The following LRP5 variants were observed in gnomAD, a reference collection of about 807,000 sequenced individuals.
LRP5 encodes the protein low-density lipoprotein receptor-related protein 5.
A neutral mutation model predicts 154.1 loss-of-function variants in LRP5; 62 were observed. The observed-to-expected ratio is 0.40, with a 90% CI of 0.33 to 0.50. LRP5 has a LOEUF of 0.50. LRP5 is among the 20% of genes least tolerant of loss of function. The pLI, the probability that LRP5 is intolerant of heterozygous loss-of-function variation, is 0.55. For missense variants in LRP5, 1,915 were observed against 2,336.7 expected, an observed-to-expected ratio of 0.82 and a Z score of 3.72; for synonymous variants, 966 against 1,011.5, an observed-to-expected ratio of 0.96 and a Z score of 0.85.
chr11:68,331,433 C>T (rs564984329), intron 1 of LRP5, among the ~76,000 whole-genome samples: 5 of 152,322 alleles, frequency 3.3e-5, no homozygotes, highest in African/African-American at 7.2e-5. Flanking sequence ...GCTGCCTCCC[C>T]GCCTGCCCCA....
intron 9 of LRP5, among the ~76,000 whole-genome samples, chr11:68,409,272 AAT>A (rs1328125715): frequency 7.0e-6 from 1 of 142,054 alleles, no homozygotes; most frequent in Non-Finnish European, 1.5e-5. Context: ...ATAATATAAA[AAT>A]ATATATTTAT....
At chr11:68,315,686 C>T (rs1052837261) in intron 1 of LRP5, among the ~76,000 whole-genome samples, 13 of 152,246 alleles carry the variant, frequency 8.5e-5, no homozygotes, top group Admixed American at 7.8e-4. Context: ...AAGGCCCCGC[C>T]CCTGCGGGCA....
At position 68,433,756 on chromosome 11, in the gene LRP5, G is replaced by A. The variant is rs11574425; in HGVS notation, c.3918G>A (p.Ala1306=). 1.9e-3 allele frequency: 3,071 copies of A among 1,612,694 alleles called. 42 individuals are homozygous for A. In the African/African-American group the frequency reaches 0.033, roughly 17 times the overall value. Residue 1306 remains alanine (A), a synonymous_variant, in exon 18 of 23, where the codon GCG becomes GCA. Coordinates refer to ENST00000294304, the MANE Select transcript of LRP5 (RefSeq NM_002335.4). The part of the protein sequence containing the change: ...PVCSAAQFPC[A]RGQCVDLRLR... ...GCTCCGCCGCCCAGTTCCCCTGCGC[G>A]CGGGGTCAGTGTGTGGACCTGCGCC... is the stretch of plus-strand genomic sequence containing the variant.
chr11:68,403,023 A>C (rs2098653490), intron 7 of LRP5, among the ~76,000 whole-genome samples: 1 of 152,168 alleles, frequency 6.6e-6, no homozygotes, highest in African/African-American at 2.4e-5. Flanking sequence ...AGGAGGGTGG[A>C]TCACTTGAGG....
At chr11:68,442,573 G>A (rs2098678750) in intron 21 of LRP5, among the ~76,000 whole-genome samples, 1 of 152,166 alleles carries the variant, frequency 6.6e-6, no homozygotes, top group Non-Finnish European at 1.5e-5. Flanking sequence ...ACTGCGCCTG[G>A]GCTGACATAT....
intron 7 of LRP5, among the ~76,000 whole-genome samples, chr11:68,391,333 C>A (rs899546332): frequency 1.3e-5 from 2 of 152,192 alleles, no homozygotes; most frequent in African/African-American, 2.4e-5. Context: ...CCCATCGCAC[C>A]ATCGTCACCC....
At chr11:68,336,138 C>T (rs1565325543) in intron 1 of LRP5, among the ~76,000 whole-genome samples, 1 of 152,176 alleles carries the variant, frequency 6.6e-6, no homozygotes. Flanking sequence ...CCAAAGGAGT[C>T]AGAGCTTGTC....
intron 16 of LRP5, among the ~76,000 whole-genome samples, chr11:68,427,551 G>A (rs1247622498): frequency 6.6e-6 from 1 of 152,122 alleles, no homozygotes; most frequent in Non-Finnish European, 1.5e-5. Flanking sequence ...GTGGTGGCAG[G>A]CGCCTGTATT....
At chr11:68,362,321 T>C (rs1167864482) in intron 3 of LRP5, among the ~76,000 whole-genome samples, 1 of 152,044 alleles carries the variant, frequency 6.6e-6, no homozygotes, top group Non-Finnish European at 1.5e-5. Context: ...TGGAAGTGCT[T>C]TGGAACTAGA....
At chr11:68,431,005 C>T (rs1310184386) in intron 17 of LRP5, among the ~76,000 whole-genome samples, 2 of 152,186 alleles carry the variant, frequency 1.3e-5, no homozygotes, top group Non-Finnish European at 2.9e-5. Flanking sequence ...ACGTGATGCA[C>T]AGGAATGCCA....
In LRP5 at chr11:68,421,228, C is replaced by T. The variant is rs186446328; in HGVS notation, c.3028-2261C>T. ...GGCAACAGAGCAAGACTCCGTCTCACGCAAAACTCTGTCTCACGCAAGACT... is the reference window on the plus strand; with the variant it reads ...GGCAACAGAGCAAGACTCCGTCTCATGCAAAACTCTGTCTCACGCAAGACT... On this transcript the variant is annotated intron_variant, in intron 13 of 22. Coordinates refer to ENST00000294304, the MANE Select transcript of LRP5 (RefSeq NM_002335.4). Among the ~76,000 whole-genome samples, 97 of 151,846 alleles carry T rather than the reference C, an allele frequency of 6.4e-4. No individual in the cohort carries two copies. The Middle Eastern group carries it at 0.01, about 16-fold the overall frequency.
intron 5 of LRP5, among the ~76,000 whole-genome samples, chr11:68,367,719 G>A (rs1461072829): frequency 1.3e-5 from 2 of 152,200 alleles, no homozygotes; most frequent in African/African-American, 4.8e-5. Context: ...CACAGTCAGG[G>A]CCGGGGGACG....
rs781489196 is a variant in LRP5, at chr11:68,390,028, A to C, written c.1560A>C (p.Gly520=). 1 of 1,614,202 alleles carries C rather than the reference A, an allele frequency of 6.2e-7. No individual in the cohort carries two copies. The highest frequency in any genetic ancestry group is 8.5e-7 in the Non-Finnish European group (1 of 1,180,030). ...TGCAGGAGGGGAAGCTCTACTGGGG[A>C]GACGCCAAGACAGACAAGATCGAGG... ...LDLQEGKLYW[G]DAKTDKIEVI... Residue 520 remains glycine, a synonymous_variant, in exon 7 of 23, where the codon GGA becomes GGC. Transcript: ENST00000294304.
chr11:68,334,331 G>T (rs1033123077), intron 1 of LRP5, among the ~76,000 whole-genome samples: 2 of 152,316 alleles, frequency 1.3e-5, no homozygotes, highest in East Asian at 1.9e-4. Flanking sequence ...AGCAAGGTGG[G>T]GTAGGGTGCA....
At chr11:68,376,884 G>C (rs1475123829) in intron 5 of LRP5, among the ~76,000 whole-genome samples, 3 of 152,224 alleles carry the variant, frequency 2.0e-5, no homozygotes, top group South Asian at 2.1e-4. Flanking sequence ...TTTAGGCAAA[G>C]ATGAGAGGGC....
intron 5 of LRP5, among the ~76,000 whole-genome samples, chr11:68,374,976 TC>T (rs2098636545): frequency 6.6e-6 from 1 of 152,304 alleles, no homozygotes; most frequent in Admixed American, 6.5e-5. Context: ...TGCAGCCTCT[TC>T]CATGTCCCCC....
chr11:68,440,882 C>T (rs1295840235), intron 21 of LRP5, among the ~76,000 whole-genome samples: 1 of 152,132 alleles, frequency 6.6e-6, no homozygotes, highest in Non-Finnish European at 1.5e-5. Flanking sequence ...AGTTCCCCTG[C>T]CTCAGCCTCC....
chr11:68,375,172 T>C (rs964253134), intron 5 of LRP5, among the ~76,000 whole-genome samples: 5 of 152,172 alleles, frequency 3.3e-5, no homozygotes, highest in African/African-American at 1.2e-4. Flanking sequence ...CCGCATTTGG[T>C]GATGACTCCT....
At chr11:68,407,499 G>T (rs893093307) in intron 9 of LRP5, among the ~76,000 whole-genome samples, 1 of 150,988 alleles carries the variant, frequency 6.6e-6, no homozygotes, top group Non-Finnish European at 1.5e-5. Flanking sequence ...TTCTAAAGAA[G>T]AGTTTAGCAA....
Sources: allele counts gnomAD v4.1 joint callset (sites outside exome capture counted in the v4.1 genomes callset), GRCh38; gene constraint gnomAD v4.1.1; transcripts MANE v1.5; gene names NCBI Gene and HGNC (gene_info 2026-07-23, HGNC 2026-07-21).